Variants in ANXA11 observed in about 807,000 individuals in gnomAD.
The protein encoded by ANXA11 is annexin A11.
In ANXA11, 57 loss-of-function variants were observed where a neutral mutation model predicts 64.7. The ratio of observed to expected loss-of-function variants is 0.88; its 90% CI spans 0.71 to 1.10. The LOEUF is 1.10. ANXA11 is among the 50% of genes least tolerant of loss of function. The pLI is 0.00. For synonymous variants in ANXA11, 260 were observed against 265.2 expected, an observed-to-expected ratio of 0.98 and a Z score of 0.19; for missense variants, 675 against 670.7, an observed-to-expected ratio of 1.01 and a Z score of -0.07.
At position 80,162,023 on chromosome 10, in the gene ANXA11, C is replaced by T. The variant is rs1055965178; in HGVS notation, c.1092G>A (p.Leu364=). 10 of 1,610,568 alleles carry T rather than the reference C, an allele frequency of 6.2e-6. No homozygotes were observed. The highest frequency in any genetic ancestry group is 1.7e-5 in the Admixed American group (1 of 59,996). ...MSLAQRDAQE[L]YAAGENRLGT... ...CCAGGCGGTTCTCCCCGGCCGCATA[C>T]AGCTCCTGGAGAGAGAGGAAGACGC... is the stretch of plus-strand genomic sequence containing the variant. Residue 364 remains leucine, a synonymous_variant, in exon 12 of 16, where the codon CTG becomes CTA. Coordinates refer to ENST00000422982, the MANE Select transcript of ANXA11 (RefSeq NM_145868.2).
chr10:80,196,313 C>T (rs371306462), intron 1 of ANXA11, among the ~76,000 whole-genome samples: 5 of 152,204 alleles, frequency 3.3e-5, no homozygotes, highest in African/African-American at 1.2e-4. Flanking sequence ...ATCAGTGCTA[C>T]AGGCTGTAGG....
At chr10:80,174,554 G>A (rs1292221837) in intron 2 of ANXA11, among the ~76,000 whole-genome samples, 2 of 150,956 alleles carry the variant, frequency 1.3e-5, no homozygotes, top group East Asian at 2.0e-4. Flanking sequence ...TAAGATTACA[G>A]GCATGAGCCA....
intron 1 of ANXA11, among the ~76,000 whole-genome samples, chr10:80,186,431 A>C (rs1008440035): frequency 6.6e-6 from 1 of 152,058 alleles, no homozygotes; most frequent in African/African-American, 2.4e-5. Flanking sequence ...CACCAACAGG[A>C]AATTGGCGCT....
intron 1 of ANXA11, among the ~76,000 whole-genome samples, chr10:80,187,465 C>T (rs940466063): frequency 2.6e-5 from 4 of 152,182 alleles, no homozygotes; most frequent in African/African-American, 9.7e-5. Context: ...GTTTATAAGC[C>T]ACCCGGTCTA....
intron 2 of ANXA11, among the ~76,000 whole-genome samples, chr10:80,174,698 C>T (rs891138574): frequency 6.6e-5 from 10 of 152,138 alleles, no homozygotes. Flanking sequence ...CAGCCTCCAA[C>T]AGGAGGGCGC....
chr10:80,204,479 G>A lies in ANXA11; in HGVS notation c.-58+864C>T, dbSNP rs77606128. Reference sequence around the variant, plus strand: ...CTCACAGCTCCACTCCATGCCCAGCGCAGAGAACAGAGGGGAGAGCTACCA... The same window carrying A: ...CTCACAGCTCCACTCCATGCCCAGCACAGAGAACAGAGGGGAGAGCTACCA... On this transcript the variant is annotated intron_variant, in intron 1 of 15. Transcript: ENST00000422982. 7.9e-5 allele frequency among the ~76,000 whole-genome samples: 12 copies of A among 152,346 alleles called. No individual in the cohort carries two copies. In the East Asian group the frequency reaches 2.3e-3, roughly 29 times the overall value.
chr10:80,158,755 C>T (rs932046709), intron 13 of ANXA11, among the ~76,000 whole-genome samples: 1 of 152,200 alleles, frequency 6.6e-6, no homozygotes, highest in African/African-American at 2.4e-5. Context: ...CATCTGACAA[C>T]TGCCTGCAGG....
At chr10:80,162,774 C>G (rs1271998227) in intron 11 of ANXA11, among the ~76,000 whole-genome samples, 1 of 152,182 alleles carries the variant, frequency 6.6e-6, no homozygotes, top group Admixed American at 6.5e-5. Context: ...GAGGTATGGC[C>G]AACTCCACCC....
chr10:80,161,525 A>G (rs547571551), intron 12 of ANXA11, among the ~76,000 whole-genome samples: 1 of 152,376 alleles, frequency 6.6e-6, no homozygotes, highest in South Asian at 2.1e-4. Flanking sequence ...GTGGCCCCAC[A>G]CCTGCTCCAC....
Position 80,166,119 on chromosome 10 carries a change from G to A in ANXA11, c.823C>T (p.Leu275Phe), listed in dbSNP as rs1564606620. The A allele has an allele frequency of 6.2e-7, 1 of 1,612,000 alleles. No individual in the cohort carries two copies. The highest frequency in any genetic ancestry group is 1.7e-5 in the Admixed American group (1 of 59,958). ...TILALMKTPV[L>F]FDIYEIKEAI... ...TCCTTTATCTCATAAATGTCAAAGA[G>A]GACTGGGGTCTTCATCAGAGCCAAG... Residue 275 changes from leucine (L) to phenylalanine (F), a missense_variant, in exon 8 of 16, where the codon CTC becomes TTC. Transcript: ENST00000422982.
chr10:80,163,408 GA>G lies in ANXA11; in HGVS notation c.1030-4del, dbSNP rs757942191. ...TTTGTGCTTTCATCACGGTTTCCCT[GA>G]AAGGAAGCAGGTGTATGGTCATGCC... On this transcript the variant is annotated splice_polypyrimidine_tract_variant and splice_region_variant and intron_variant, in intron 10 of 15. Coordinates refer to ENST00000422982, the MANE Select transcript of ANXA11 (RefSeq NM_145868.2). The G allele has an allele frequency of 1.3e-5, 21 of 1,613,958 alleles. No individual in the cohort carries two copies. The highest frequency in any genetic ancestry group is 1.8e-5 in the Non-Finnish European group (21 of 1,180,048).
chr10:80,185,378 C>T (rs755648000), intron 1 of ANXA11, among the ~76,000 whole-genome samples: 1 of 152,180 alleles, frequency 6.6e-6, no homozygotes, highest in Non-Finnish European at 1.5e-5. Flanking sequence ...TTAGAAGGCA[C>T]GCAGTTTAAG....
At chr10:80,163,476 T>TAA in intron 10 of ANXA11, 58 bp downstream of exon 10, 1 of 1,608,996 alleles carries the variant, frequency 6.2e-7, no homozygotes, top group Non-Finnish European at 8.5e-7. Context: ...ATTGCGGGGA[T>TAA]CCCATCTCTT....
chr10:80,157,687 G>A lies in ANXA11; in HGVS notation c.1412C>T (p.Ser471Leu). 1 of 1,613,984 alleles carries A rather than the reference G, an allele frequency of 6.2e-7. No homozygotes were observed. The highest frequency in any genetic ancestry group is 1.1e-5 in the South Asian group (1 of 91,060). Residue 471 changes from serine to leucine, a missense_variant, in exon 15 of 16, where the codon TCA becomes TTA. Transcript: ENST00000422982. Reference protein sequence around the residue: ...RSETDLLDIRSEYKRMYGKSL... With the variant: ...RSETDLLDIRLEYKRMYGKSL... The stretch of plus-strand genomic sequence containing the variant: ...CTTGCCGTACATCCGCTTATACTCT[G>A]ATCTGATGTCCAGGAGGTCGGTCTC...
Position 80,151,076 on chromosome 10 carries a change from C to T in ANXA11, c.*4777G>A, listed in dbSNP as rs1284158305. ...AAAGTTTTAGAAGCTCTCCTCTAGT[C>T]TACCCTTCATTTTAAAAAGTCAAAA... On this transcript the variant is annotated 3_prime_UTR_variant, in exon 16 of 16. Coordinates refer to ENST00000422982, the MANE Select transcript of ANXA11 (RefSeq NM_145868.2). 6.6e-6 allele frequency: 1 copy of T among 152,180 alleles called. No homozygotes were observed. The highest frequency in any genetic ancestry group is 1.5e-5 in the Non-Finnish European group (1 of 68,034). 9.4% of individuals were successfully genotyped at this position (152,180 alleles called of 1,614,324 possible).
intron 1 of ANXA11, 149 bp downstream of exon 1, chr10:80,205,194 C>G (rs1045754339): frequency 2.2e-4 from 34 of 152,096 alleles, no homozygotes; most frequent in African/African-American, 8.2e-4. Context: ...CCCTCCCCTG[C>G]CCCCCACCCC....
At chr10:80,163,209 C>G in intron 11 of ANXA11, 140 bp downstream of exon 11, 1 of 895,814 alleles carries the variant, frequency 1.1e-6, no homozygotes. Context: ...TTGAACAGTT[C>G]AGCGCGTCTG....
chr10:80,175,173 C>T (rs989822660), intron 2 of ANXA11, among the ~76,000 whole-genome samples: 3 of 152,194 alleles, frequency 2.0e-5, no homozygotes, highest in South Asian at 2.1e-4. Context: ...CTCCCCGTCC[C>T]GGCCCCAGCC....
chr10:80,168,196 C>T (rs918973108), intron 5 of ANXA11, among the ~76,000 whole-genome samples: 1 of 98,504 alleles, frequency 1.0e-5, no homozygotes, highest in African/African-American at 3.3e-5. Context: ...GGAGGAACTG[C>T]CAACATTCTC....
Sources: allele counts gnomAD v4.1 joint callset (sites outside exome capture counted in the v4.1 genomes callset), GRCh38; gene constraint gnomAD v4.1.1; transcripts MANE v1.5; gene names NCBI Gene and HGNC (gene_info 2026-07-23, HGNC 2026-07-21).